VCPIP1: variants seen among roughly 807,000 people sequenced by gnomAD.
VCPIP1 encodes the protein valosin containing protein interacting protein 1, also known as deubiquitinating protein VCPIP1.
A neutral mutation model predicts 85.0 loss-of-function variants in VCPIP1; 8 were observed. The ratio of observed to expected loss-of-function variants is 0.09; its 90% CI spans 0.06 to 0.17. The LOEUF (loss-of-function observed/expected upper bound fraction) is 0.17, where lower values mean the gene tolerates loss of function less well. Among genes scored for constraint, VCPIP1 ranks in the 10% least tolerant of loss-of-function variants. The probability of loss-of-function intolerance (pLI) is 1.00; values close to 1 mark genes in which losing one functional copy is unlikely to be tolerated. For missense variants in VCPIP1, 1,070 were observed against 1,486.3 expected (o/e 0.72, Z 4.61); for synonymous variants, 543 against 544.5 (o/e 1.00, Z 0.04).
At position 66,630,802 on chromosome 8, in the gene VCPIP1, A is replaced by T. The variant is rs1057018028; in HGVS notation, c.*3699T>A. On this transcript the variant is annotated 3_prime_UTR_variant, in exon 3 of 3. Coordinates refer to ENST00000310421, the MANE Select transcript of VCPIP1 (RefSeq NM_025054.5). The stretch of plus-strand genomic sequence containing the variant: ...TATGAACTGAAACACTTAGCATCTC[A>T]AAGAATTATCAAGAATGGTAGAACT... The T allele has an allele frequency of 1.3e-5, 2 of 152,598 alleles. No individual in the cohort carries two copies. The highest frequency in any genetic ancestry group is 1.3e-4 in the Admixed American group (2 of 15,280). The allele number at this position is 152,598 out of a possible 1,614,324, so 9.5% of individuals were successfully genotyped here. A position where few individuals can be genotyped will look rare whatever the true frequency, so the allele number is the denominator to read the frequency against.
chr8:66,643,382 T>G (rs1056180184), intron 2 of VCPIP1, among the ~76,000 whole-genome samples: 2 of 150,430 alleles, frequency 1.3e-5, no homozygotes, highest in Non-Finnish European at 3.0e-5. Flanking sequence ...AGAGAGAAAT[T>G]TATAGCTTTA....
At position 66,652,748 on chromosome 8, in the gene VCPIP1, T is replaced by C. The variant is rs77436926; in HGVS notation, c.2711-1204A>G. Among the ~76,000 whole-genome samples, 1,017 of 152,164 alleles carry C rather than the reference T, an allele frequency of 6.7e-3. 9 individuals carry two copies. Among genetic ancestry groups the C allele is most frequent in the African/African-American group, 0.023 (965 of 41,528 alleles). On this transcript the variant is annotated intron_variant, in intron 1 of 2. Transcript: ENST00000310421. ...TCAGTAAGAAATTTCAAATAAAAAGTAAAGAATGATCATCACTGTTGAAGA... is the reference window on the plus strand; with the variant it reads ...TCAGTAAGAAATTTCAAATAAAAAGCAAAGAATGATCATCACTGTTGAAGA...
At chr8:66,642,935 CA>C (rs1354242770) in intron 2 of VCPIP1, among the ~76,000 whole-genome samples, 11 of 151,672 alleles carry the variant, frequency 7.3e-5, no homozygotes, top group African/African-American at 2.7e-4. Flanking sequence ...TTCTAAAAAC[CA>C]CTAATTAGTA....
intron 1 of VCPIP1, among the ~76,000 whole-genome samples, chr8:66,656,974 C>T (rs923488356): frequency 6.6e-5 from 10 of 152,092 alleles, no homozygotes; most frequent in Non-Finnish European, 1.5e-4. Context: ...GGCGCAATCT[C>T]TGTTCACTGA....
At chr8:66,660,084 C>T (rs1444866028) in intron 1 of VCPIP1, among the ~76,000 whole-genome samples, 2 of 152,164 alleles carry the variant, frequency 1.3e-5, no homozygotes, top group African/African-American at 4.8e-5. Flanking sequence ...AAGTATGGAA[C>T]TCCTTCAGCT....
intron 2 of VCPIP1, among the ~76,000 whole-genome samples, chr8:66,649,496 G>A (rs192760947): frequency 6.6e-6 from 1 of 152,236 alleles, no homozygotes; most frequent in African/African-American, 2.4e-5. Context: ...GAGATAGAGT[G>A]AGACCCTGTC....
intron 2 of VCPIP1, among the ~76,000 whole-genome samples, chr8:66,645,685 C>A (rs1184377943): frequency 6.9e-6 from 1 of 145,966 alleles, no homozygotes; most frequent in Admixed American, 7.0e-5. Context: ...CTTTGGGAGA[C>A]TGAGGCAGGA....
In VCPIP1 at chr8:66,634,702, A is replaced by T. The variant is rs1228993315; in HGVS notation, c.3468T>A (p.Gly1156=). The stretch of plus-strand genomic sequence containing the variant: ...CAGTTAAAGGAAAAGATTCAGGCAA[A>T]CCAGTCTGAAGACTCCCAGACTTTG... ...SSAKSGSLQT[G]LPESFPLTGG... is the part of the protein sequence containing the mutation. The change falls in exon 3 of 3, where the codon GGT becomes GGA. Residue 1156 remains glycine (G), a synonymous_variant. Transcript: ENST00000310421. 2.5e-6 allele frequency: 4 copies of T among 1,614,082 alleles called. No individual in the cohort carries two copies. Among genetic ancestry groups the T allele is most frequent in the Non-Finnish European group, 3.4e-6 (4 of 1,180,042 alleles).
rs767987507 is a variant in VCPIP1 at position 66,635,222 on chromosome 8, A to C, written c.2948T>G (p.Val983Gly). ...PDVEDLVKEA[V>G]SQVRAEATTR... The stretch of plus-strand genomic sequence containing the variant: ...AGTAGCCTCTGCTCGAACCTGACTT[A>C]CAGCCTCTTTAACTAAATCTTCAAC... Residue 983 changes from valine (V) to glycine (G), a missense_variant, in exon 3 of 3, where the codon GTA (valine) becomes GGA (glycine). This residue lies in a region of VCPIP1 where 255 missense variants were observed against 289.5 expected (regional missense o/e 0.88). Coordinates refer to ENST00000310421, the MANE Select transcript of VCPIP1 (RefSeq NM_025054.5). 6.2e-7 allele frequency: 1 copy of C among 1,614,206 alleles called. No individual in the cohort carries two copies. The highest frequency in any genetic ancestry group is 1.3e-5 in the African/African-American group (1 of 75,042).
intron 1 of VCPIP1, 46 bp downstream of exon 1, chr8:66,664,200 GTAT>G (rs2130184898): frequency 6.7e-7 from 1 of 1,485,594 alleles, no homozygotes; most frequent in African/African-American, 1.4e-5. Context: ...AAAACTCAGT[GTAT>G]TATATTTACA....
chr8:66,636,741 C>T (rs966289873), intron 2 of VCPIP1, among the ~76,000 whole-genome samples: 5 of 148,812 alleles, frequency 3.4e-5, no homozygotes, highest in Admixed American at 6.7e-5. Context: ...AAGACTCCAT[C>T]TAAAAAAAAA....
intron 2 of VCPIP1, among the ~76,000 whole-genome samples, chr8:66,639,200 G>A (rs975809082): frequency 4.6e-5 from 7 of 150,850 alleles, no homozygotes; most frequent in South Asian, 2.1e-4. Context: ...GCCCAGGCTC[G>A]TCTCAAACCC....
At chr8:66,656,743 G>A (rs373495850) in intron 1 of VCPIP1, among the ~76,000 whole-genome samples, 65 of 152,034 alleles carry the variant, frequency 4.3e-4, no homozygotes, top group African/African-American at 1.5e-3. Context: ...CTGGGTAGCT[G>A]GGACTACAGG....
At chr8:66,657,013 C>T (rs1431169649) in intron 1 of VCPIP1, among the ~76,000 whole-genome samples, 3 of 152,152 alleles carry the variant, frequency 2.0e-5, no homozygotes, top group Admixed American at 1.3e-4. Flanking sequence ...TCAAGCAATT[C>T]TCGTGCCTCA....
At chr8:66,647,068 C>G (rs1026055378) in intron 2 of VCPIP1, among the ~76,000 whole-genome samples, 2 of 151,886 alleles carry the variant, frequency 1.3e-5, no homozygotes. Flanking sequence ...ATAGGCCAGG[C>G]ATGGTGGCTC....
Position 66,631,615 on chromosome 8 carries a change from TA to T in VCPIP1, c.*2885del. The T allele has an allele frequency of 6.5e-6, 1 of 154,632 alleles. No individual in the cohort carries two copies. 9.6% of individuals were successfully genotyped at this position (154,632 alleles called of 1,614,324 possible). On this transcript the variant is annotated 3_prime_UTR_variant, in exon 3 of 3. Coordinates refer to ENST00000310421, the MANE Select transcript of VCPIP1 (RefSeq NM_025054.5). ...ACAGATGCATTTCAGATTGATATCT[TA>T]ATTGCAAGCAGTAGGCTTGACTGTA...
At position 66,632,166 on chromosome 8, in the gene VCPIP1, A is replaced by G. The variant is rs1322401775; in HGVS notation, c.*2335T>C. On this transcript the variant is annotated 3_prime_UTR_variant, in exon 3 of 3. Transcript: ENST00000310421. ...AGTACTAGAAAAATAACCATGCTAT[A>G]GTCATGTATTTGGTTATGAAAACCA... 2 of 152,050 alleles carry G rather than the reference A, an allele frequency of 1.3e-5. No individual in the cohort carries two copies. Among genetic ancestry groups the G allele is most frequent in the Non-Finnish European group, 2.9e-5 (2 of 67,946 alleles). 9.4% of individuals were successfully genotyped at this position (152,050 alleles called of 1,614,324 possible). A position where few individuals can be genotyped will look rare whatever the true frequency, so the allele number is the denominator to read the frequency against.
intron 2 of VCPIP1, among the ~76,000 whole-genome samples, 164 bp from the exon 3 acceptor site, chr8:66,635,536 C>A (rs1810875773): frequency 6.6e-6 from 1 of 152,138 alleles, no homozygotes; most frequent in African/African-American, 2.4e-5. Flanking sequence ...AAAAGAACCA[C>A]CGCCATAGAC....
At chr8:66,639,604 G>A (rs1450560645) in intron 2 of VCPIP1, among the ~76,000 whole-genome samples, 1 of 151,850 alleles carries the variant, frequency 6.6e-6, no homozygotes, top group Non-Finnish European at 1.5e-5. Flanking sequence ...GGGATTATAG[G>A]CATGGACCAC....
Sources: gnomAD v4.1 joint callset for allele counts (sites outside exome capture counted in the v4.1 genomes callset) on GRCh38, gnomAD v4.1.1 for gene constraint, gnomAD v4.1.1 regional missense constraint, MANE v1.5 for transcripts, NCBI Gene and HGNC (gene_info 2026-07-23, HGNC 2026-07-21) for gene names.